The following EFCAB11 variants were observed in gnomAD, a reference collection of about 807,000 sequenced individuals.
EFCAB11 encodes EF-hand calcium binding domain 11.
A neutral mutation model predicts 23.0 loss-of-function variants in EFCAB11; 14 were observed. The ratio of observed to expected loss-of-function variants is 0.61; its 90% CI spans 0.40 to 0.95. The LOEUF (loss-of-function observed/expected upper bound fraction) is 0.95. Ranked by LOEUF, EFCAB11 falls within the 40% of genes least tolerant of loss-of-function variation. The pLI, the probability that EFCAB11 is intolerant of heterozygous loss-of-function variation, is 0.00. For missense variants in EFCAB11, 198 were observed against 195.8 expected, an observed-to-expected ratio of 1.01 and a Z score of -0.07; for synonymous variants, 65 against 66.6, an observed-to-expected ratio of 0.98 and a Z score of 0.11.
intron 5 of EFCAB11, among the ~76,000 whole-genome samples, chr14:89,898,557 G>A (rs1889242716): frequency 6.6e-6 from 1 of 151,656 alleles, no homozygotes; most frequent in South Asian, 2.1e-4. Context: ...TAGAGACAGT[G>A]TCTCACCATG....
At chr14:89,884,899 A>G (rs998747199) in intron 5 of EFCAB11, among the ~76,000 whole-genome samples, 2 of 152,224 alleles carry the variant, frequency 1.3e-5, no homozygotes, top group African/African-American at 2.4e-5. Flanking sequence ...CATGTCCAGG[A>G]AAGGACCCAG....
At chr14:89,800,361 T>C (rs1885736872) in intron 5 of EFCAB11, among the ~76,000 whole-genome samples, 1 of 151,802 alleles carries the variant, frequency 6.6e-6, no homozygotes, top group African/African-American at 2.4e-5. Flanking sequence ...CTGTGGAAAA[T>C]GAGGCTCAAA....
upstream of EFCAB11, chr14:89,954,769 T>A (rs1023714005): frequency 2.0e-6 from 3 of 1,480,788 alleles, no homozygotes; most frequent in African/African-American, 2.8e-5. Flanking sequence ...AAGCCGAACT[T>A]CACCGCGCAA....
chr14:89,929,383 C>T (rs1011134194), intron 5 of EFCAB11, among the ~76,000 whole-genome samples: 4 of 152,042 alleles, frequency 2.6e-5, no homozygotes. Context: ...GTGCTAAAAT[C>T]ACCACAACTT....
At chr14:89,799,680 G>C (rs944389) in intron 5 of EFCAB11, among the ~76,000 whole-genome samples, 1 of 145,546 alleles carries the variant, frequency 6.9e-6, no homozygotes, top group African/African-American at 2.6e-5. Flanking sequence ...ACCCTGACTC[G>C]AAAGAAACTT....
At chr14:89,803,078 G>A (rs1476651259) in intron 5 of EFCAB11, among the ~76,000 whole-genome samples, 2 of 151,994 alleles carry the variant, frequency 1.3e-5, no homozygotes, top group Admixed American at 1.3e-4. Context: ...CACCCCTCAT[G>A]CCCAATCGTG....
At chr14:89,946,939 T>TTA (rs1160430863) in intron 3 of EFCAB11, among the ~76,000 whole-genome samples, 2 of 152,148 alleles carry the variant, frequency 1.3e-5, no homozygotes, top group East Asian at 3.8e-4. Flanking sequence ...CTAGATACAC[T>TTA]TATGATTTTT....
At chr14:89,866,291 T>C (rs966431971) in intron 5 of EFCAB11, among the ~76,000 whole-genome samples, 1 of 152,200 alleles carries the variant, frequency 6.6e-6, no homozygotes, top group African/African-American at 2.4e-5. Flanking sequence ...AGATCTGAAT[T>C]GCCCTCACCA....
At chr14:89,872,225 G>A (rs1286935) in intron 5 of EFCAB11, among the ~76,000 whole-genome samples, 13 of 152,186 alleles carry the variant, frequency 8.5e-5, no homozygotes, top group African/African-American at 3.1e-4. Flanking sequence ...ATTGCTATTT[G>A]CCATGTTTCC....
chr14:89,948,784 C>A (rs1891062216), intron 3 of EFCAB11, among the ~76,000 whole-genome samples: 1 of 151,190 alleles, frequency 6.6e-6, no homozygotes, highest in South Asian at 2.1e-4. Flanking sequence ...AAAATCAAGA[C>A]AATTTAATTC....
At chr14:89,802,716 T>C (rs1019467756) in intron 5 of EFCAB11, among the ~76,000 whole-genome samples, 2 of 152,142 alleles carry the variant, frequency 1.3e-5, no homozygotes, top group African/African-American at 4.8e-5. Flanking sequence ...TTTATAAACA[T>C]TTATATTCTT....
chr14:89,852,338 T>C (rs1245781603), intron 5 of EFCAB11, among the ~76,000 whole-genome samples: 1 of 152,226 alleles, frequency 6.6e-6, no homozygotes, highest in Non-Finnish European at 1.5e-5. Context: ...GATGCTGTAG[T>C]GTACCACTCA....
chr14:89,851,550 C>T (rs1887602299), intron 5 of EFCAB11, among the ~76,000 whole-genome samples: 1 of 152,200 alleles, frequency 6.6e-6, no homozygotes, highest in Non-Finnish European at 1.5e-5. Context: ...ATCATAGGAT[C>T]TTTGTGCTAT....
At chr14:89,813,802 C>G (rs187167009) in intron 5 of EFCAB11, among the ~76,000 whole-genome samples, 1 of 152,222 alleles carries the variant, frequency 6.6e-6, no homozygotes, top group East Asian at 1.9e-4. Context: ...CAAGGAAAAC[C>G]ATTTCACACT....
At chr14:89,822,251 A>T (rs11627827) in intron 5 of EFCAB11, among the ~76,000 whole-genome samples, 130,893 of 152,206 alleles carry the variant, frequency 0.86, 56,451 homozygotes, top group Non-Finnish European at 0.89. Flanking sequence ...TGTGGCTGCT[A>T]ATTAAAACTA....
At chr14:89,934,326 T>C (rs917967607) in intron 3 of EFCAB11, among the ~76,000 whole-genome samples, 7 of 152,148 alleles carry the variant, frequency 4.6e-5, no homozygotes, top group Admixed American at 3.9e-4. Flanking sequence ...TTTCCAGATA[T>C]ATTTTAGAAT....
At chr14:89,919,750 A>G (rs1452214653) in intron 5 of EFCAB11, among the ~76,000 whole-genome samples, 1 of 152,196 alleles carries the variant, frequency 6.6e-6, no homozygotes, top group Non-Finnish European at 1.5e-5. Flanking sequence ...CATCATCAGT[A>G]GCTTCAAGGG....
intron 5 of EFCAB11, among the ~76,000 whole-genome samples, chr14:89,831,531 C>A (rs1886883681): frequency 6.6e-6 from 1 of 152,082 alleles, no homozygotes; most frequent in Admixed American, 6.6e-5. Flanking sequence ...AATGGTACGA[C>A]AGCATTTTAA....
intron 5 of EFCAB11, among the ~76,000 whole-genome samples, chr14:89,893,105 T>G (rs1309757249): frequency 1.3e-5 from 2 of 152,114 alleles, no homozygotes; most frequent in African/African-American, 4.8e-5. Context: ...AAAGCTCTCA[T>G]TCCCACTCCC....
Sources: gnomAD v4.1 joint callset for allele counts (sites outside exome capture counted in the v4.1 genomes callset) on GRCh38, gnomAD v4.1.1 for gene constraint, MANE v1.5 for transcripts, NCBI Gene and HGNC (gene_info 2026-07-23, HGNC 2026-07-21) for gene names.